The following HIVEP3 variants were observed in gnomAD, a reference collection of about 807,000 sequenced individuals.
The protein encoded by HIVEP3 is transcription factor HIVEP3.
In HIVEP3, 49 loss-of-function variants were observed where a neutral mutation model predicts 152.8. That is an observed-to-expected ratio of 0.32 (90% CI 0.26 to 0.41). HIVEP3 has a LOEUF of 0.41. Ranked by LOEUF, HIVEP3 falls within the 10% of genes least tolerant of loss-of-function variation. The probability of loss-of-function intolerance (pLI) is 1.00; values close to 1 mark genes in which losing one functional copy is unlikely to be tolerated. For synonymous variants in HIVEP3, 1,269 were observed against 1,289.0 expected (o/e 0.98, Z 0.33); for missense variants, 2,790 against 3,103.3 (o/e 0.90, Z 2.40).
intron 5 of HIVEP3, among the ~76,000 whole-genome samples, chr1:41,537,153 G>A (rs549896532): frequency 6.6e-6 from 1 of 152,222 alleles, no homozygotes; most frequent in South Asian, 2.1e-4. Flanking sequence ...TGAACTCAAT[G>A]GCCTCCAAGT....
intron 3 of HIVEP3, among the ~76,000 whole-genome samples, chr1:41,588,872 C>T (rs1027283225): frequency 2.0e-5 from 3 of 151,870 alleles, no homozygotes; most frequent in Non-Finnish European, 4.4e-5. Flanking sequence ...CTCTACCACA[C>T]CATGACAGGT....
chr1:41,723,345 A>G (rs1646704303), intron 1 of HIVEP3, among the ~76,000 whole-genome samples: 1 of 151,962 alleles, frequency 6.6e-6, no homozygotes, highest in African/African-American at 2.4e-5. Flanking sequence ...CACCATCCCC[A>G]TCCTTATCCC....
intron 1 of HIVEP3, among the ~76,000 whole-genome samples, chr1:42,018,789 C>T (rs1645537781): frequency 1.3e-5 from 2 of 152,040 alleles, no homozygotes; most frequent in South Asian, 4.1e-4. Context: ...AACCTCACTC[C>T]ATTAGTTTCC....
chr1:41,574,308 G>A (rs878880300), intron 5 of HIVEP3, among the ~76,000 whole-genome samples: 10 of 152,216 alleles, frequency 6.6e-5, no homozygotes, highest in Admixed American at 5.2e-4. Context: ...GAGGACCCGC[G>A]TCCCTCCCCA....
chr1:41,931,440 G>A (rs1056201692), intron 1 of HIVEP3, among the ~76,000 whole-genome samples: 4 of 151,952 alleles, frequency 2.6e-5, no homozygotes, highest in African/African-American at 9.7e-5. Flanking sequence ...TCTCAACTCT[G>A]TTCCACTGAT....
intron 1 of HIVEP3, among the ~76,000 whole-genome samples, chr1:41,999,404 T>C (rs1645414349): frequency 6.6e-6 from 1 of 152,046 alleles, no homozygotes. Context: ...TAGAGGGAGA[T>C]ACAGGTGATT....
rs752891316 is a variant in HIVEP3, at chr1:41,511,042, G to T, written c.6630C>A (p.His2210Gln). The change falls in exon 9 of 9, where the codon CAC (histidine) becomes CAA (glutamine). Residue 2210 changes from histidine (H) to glutamine (Q), a missense_variant. Physicochemically the swap from His to Gln is conservative, Grantham distance 24 (BLOSUM62 0). This residue lies in a region of HIVEP3 where 816 missense variants were observed against 806.5 expected (regional missense o/e 1.01). Transcript: ENST00000372583. The surrounding 1 kb of genome is among the most constrained non-coding windows in gnomAD (Gnocchi z 4.9). Reference sequence around the variant, plus strand: ...CGGTGGGCCCTGGCAGCAGGGTGGGGTGGGCTCCTGGCCGGGCCTGCACCA... The same window carrying T: ...CGGTGGGCCCTGGCAGCAGGGTGGGTTGGGCTCCTGGCCGGGCCTGCACCA... ...IQMVQARPGA[H>Q]PTLLPGPTAA... is the part of the protein sequence containing the mutation. 4 of 1,613,730 alleles carry T rather than the reference G, an allele frequency of 2.5e-6. No homozygotes were observed. In the African/African-American group the frequency reaches 4.0e-5, roughly 16 times the overall value.
rs371345318 is a variant in HIVEP3 at position 41,584,555 on chromosome 1, G to T, written c.243C>A (p.Pro81=). The part of the protein sequence containing the change: ...QEKTGQQQKP[P]KRPPIEASVH... ...CGGATGCTTCGATGGGGGGCCTTTT[G>T]GGGGGCTTCTGCTGCTGGCCCGTTT... Residue 81 remains proline, a synonymous_variant, in exon 4 of 9, where the codon CCC becomes CCA. Coordinates refer to ENST00000372583, the MANE Select transcript of HIVEP3 (RefSeq NM_024503.5). This position sits in a 1 kb window ranked among gnomAD's most constrained non-coding sequence, Gnocchi z 5.2. 2 of 1,614,116 alleles carry T rather than the reference G, an allele frequency of 1.2e-6. No homozygotes were observed. Among genetic ancestry groups the T allele is most frequent in the Non-Finnish European group, 1.7e-6 (2 of 1,179,998 alleles).
At chr1:41,564,363 C>T (rs1262822032) in intron 5 of HIVEP3, among the ~76,000 whole-genome samples, 1 of 152,030 alleles carries the variant, frequency 6.6e-6, no homozygotes, top group Non-Finnish European at 1.5e-5. Flanking sequence ...AACAGCAGTT[C>T]CAGAGAGAGA....
chr1:41,930,163 T>C (rs1349298267), intron 1 of HIVEP3, among the ~76,000 whole-genome samples: 1 of 152,162 alleles, frequency 6.6e-6, no homozygotes, highest in African/African-American at 2.4e-5. Flanking sequence ...TGTTCTTAAT[T>C]TGCACACGGC....
intron 1 of HIVEP3, among the ~76,000 whole-genome samples, chr1:41,911,552 T>G (rs1570793599): frequency 1.3e-5 from 2 of 152,214 alleles, no homozygotes; most frequent in East Asian, 3.8e-4. Context: ...GTGTATTCCC[T>G]AAGTAAACTT....
chr1:41,838,413 C>T (rs1643190675), intron 1 of HIVEP3, among the ~76,000 whole-genome samples: 1 of 152,098 alleles, frequency 6.6e-6, no homozygotes, highest in Non-Finnish European at 1.5e-5. Flanking sequence ...CATTTCTTCA[C>T]TCCTTGCCTT....
chr1:41,983,726 A>G (rs1182199564), intron 1 of HIVEP3, among the ~76,000 whole-genome samples: 1 of 152,068 alleles, frequency 6.6e-6, no homozygotes, highest in Admixed American at 6.6e-5. Flanking sequence ...TACCAGATCC[A>G]CCTCTTTCTC....
chr1:41,924,449 C>A (rs1346119235), intron 1 of HIVEP3, among the ~76,000 whole-genome samples: 1 of 152,090 alleles, frequency 6.6e-6, no homozygotes, highest in Non-Finnish European at 1.5e-5. Context: ...TTATTGCCAA[C>A]AACAATACTT....
At chr1:41,624,056 C>T (rs1038889496) in intron 3 of HIVEP3, among the ~76,000 whole-genome samples, 1 of 152,214 alleles carries the variant, frequency 6.6e-6, no homozygotes, top group Admixed American at 6.5e-5. Flanking sequence ...TAGGAGACTT[C>T]CCAAGCCTCA....
At chr1:42,026,930 C>T (rs1210708415) in intron 1 of HIVEP3, among the ~76,000 whole-genome samples, 1 of 152,206 alleles carries the variant, frequency 6.6e-6, no homozygotes, top group African/African-American at 2.4e-5. Flanking sequence ...TCTGGGCTCT[C>T]TCACCATTTC....
chr1:41,646,369 C>G (rs1645459666), intron 2 of HIVEP3, among the ~76,000 whole-genome samples: 1 of 152,184 alleles, frequency 6.6e-6, no homozygotes, highest in Admixed American at 6.5e-5. Flanking sequence ...CAGCCTGGCT[C>G]CCATGAGTGC....
intron 2 of HIVEP3, among the ~76,000 whole-genome samples, chr1:41,688,488 C>CCTGGAT (rs1167256946): frequency 6.6e-6 from 1 of 152,232 alleles, no homozygotes; most frequent in Non-Finnish European, 1.5e-5. Flanking sequence ...AGGTTTCTGG[C>CCTGGAT]CTCCCAGTTC....
intron 2 of HIVEP3, among the ~76,000 whole-genome samples, chr1:41,674,816 C>T (rs1645930712): frequency 6.6e-6 from 1 of 152,172 alleles, no homozygotes; most frequent in Non-Finnish European, 1.5e-5. Context: ...CCACAGTCAC[C>T]TTGGAGCTCC....
Sources: gnomAD v4.1 joint callset for allele counts (sites outside exome capture counted in the v4.1 genomes callset) on GRCh38, gnomAD v4.1.1 for gene constraint, gnomAD v4.1.1 regional missense constraint, Gnocchi (gnomAD v3.1) non-coding constraint, MANE v1.5 for transcripts, NCBI Gene and HGNC (gene_info 2026-07-23, HGNC 2026-07-21) for gene names.